H4C3: variants seen among roughly 807,000 people sequenced by gnomAD.
H4C3 encodes the protein histone H4.
H4C3 carries 10 observed loss-of-function variants against 5.3 expected under a neutral mutation model. The ratio of observed to expected loss-of-function variants is 1.87; its 90% CI spans 1.16 to 3.18. The LOEUF is 3.18. Among genes scored for constraint, H4C3 ranks in the 30% most tolerant of loss-of-function variants. The pLI, the probability that H4C3 is intolerant of heterozygous loss-of-function variation, is 0.00. For missense variants in H4C3, 191 were observed against 152.5 expected, an observed-to-expected ratio of 1.25 and a Z score of -1.33; for synonymous variants, 133 against 56.8, an observed-to-expected ratio of 2.34 and a Z score of -6.03.
chr6:26,104,289 T>C lies in H4C3; in HGVS notation c.*30T>C. The C allele has an allele frequency of 6.5e-7, 1 of 1,537,618 alleles. No homozygotes were observed. Among genetic ancestry groups the C allele is most frequent in the Non-Finnish European group, 8.8e-7 (1 of 1,142,408 alleles). ...AAGAATACGCGGTCTCCTGAGAACT[T>C]CAAAAAACAAAAACAAAAAAACCCA... is the stretch of plus-strand genomic sequence containing the variant. On this transcript the variant is annotated 3_prime_UTR_variant, in exon 1 of 1. Coordinates refer to ENST00000377803, the MANE Select transcript of H4C3 (RefSeq NM_003542.4).
rs58741377 is a variant in H4C3, at chr6:26,104,303, CAA to C, written c.*50_*51del. On this transcript the variant is annotated 3_prime_UTR_variant, in exon 1 of 1. Transcript: ENST00000377803. ...TCCTGAGAACTTCAAAAAACAAAAACAAAAAAACCCAAAGGCCCTTTTCAGGG... is the reference window on the plus strand; with the variant it reads ...TCCTGAGAACTTCAAAAAACAAAAACAAAAACCCAAAGGCCCTTTTCAGGG... 4.6e-6 allele frequency: 7 copies of C among 1,510,118 alleles called. No individual in the cohort carries two copies. The East Asian group carries it at 6.8e-5, about 15-fold the overall frequency. The allele number at this position is 1,510,118 out of a possible 1,614,324, so 93.5% of individuals were successfully genotyped here.
rs747940169 is a variant in H4C3 at position 26,103,947 on chromosome 6, C to T, written c.-1C>T. The T allele has an allele frequency of 1.2e-5, 20 of 1,602,406 alleles. No homozygotes were observed. Among genetic ancestry groups the T allele is most frequent in the African/African-American group, 1.2e-4 (9 of 74,444 alleles). On this transcript the variant is annotated 5_prime_UTR_variant, in exon 1 of 1. Coordinates refer to ENST00000377803, the MANE Select transcript of H4C3 (RefSeq NM_003542.4). ...TCATACCTTCCACTGCGATAGGAATCATGTCTGGTCGCGGCAAAGGCGGAA... is the reference window on the plus strand; with the variant it reads ...TCATACCTTCCACTGCGATAGGAATTATGTCTGGTCGCGGCAAAGGCGGAA...
In H4C3 at chr6:26,103,976, G is replaced by A; in HGVS notation, c.29G>A (p.Gly10Asp). ...TCTGGTCGCGGCAAAGGCGGAAAAG[G>A]CTTGGGGAAGGGTGGTGCTAAGCGC... MSGRGKGGK[G>D]LGKGGAKRHR... The change falls in exon 1 of 1, where the codon GGC becomes GAC. Residue 10 changes from glycine to aspartate, a missense_variant. Transcript: ENST00000377803. 1.9e-6 allele frequency: 3 copies of A among 1,611,830 alleles called. No individual in the cohort carries two copies. The highest frequency in any genetic ancestry group is 2.5e-6 in the Non-Finnish European group (3 of 1,178,084).
At position 26,104,152 on chromosome 6, in the gene H4C3, G is replaced by T; in HGVS notation, c.205G>T (p.Asp69Tyr). Residue 69 changes from aspartate to tyrosine, a missense_variant, in exon 1 of 1, where the codon GAC becomes TAC. Transcript: ENST00000377803. ...GGTTTTCTTAGAGAACGTTATTCGAGACGCCGTCACCTATACGGAGCACGC... is the reference window on the plus strand; with the variant it reads ...GGTTTTCTTAGAGAACGTTATTCGATACGCCGTCACCTATACGGAGCACGC... ...LKVFLENVIR[D>Y]AVTYTEHAKR... 6.2e-7 allele frequency: 1 copy of T among 1,614,154 alleles called. No individual in the cohort carries two copies. Among genetic ancestry groups the T allele is most frequent in the Non-Finnish European group, 8.5e-7 (1 of 1,180,032 alleles).
rs774741400 is a variant in H4C3 at position 26,104,022 on chromosome 6, T to C, written c.75T>C (p.Asp25=). Residue 25 remains aspartate (D), a synonymous_variant, in exon 1 of 1, where the codon GAT becomes GAC. Coordinates refer to ENST00000377803, the MANE Select transcript of H4C3 (RefSeq NM_003542.4). ...AGCGCCATCGTAAGGTGCTCCGGGA[T>C]AACATCCAGGGCATTACAAAACCGG... The part of the protein sequence containing the change: ...GAKRHRKVLR[D]NIQGITKPAI... The C allele has an allele frequency of 2.5e-6, 4 of 1,614,036 alleles. No individual in the cohort carries two copies. The highest frequency in any genetic ancestry group is 1.7e-6 in the Non-Finnish European group (2 of 1,180,032).
At position 26,104,053 on chromosome 6, in the gene H4C3, C is replaced by G. The variant is rs1365920100; in HGVS notation, c.106C>G (p.Arg36Gly). ...NIQGITKPAI[R>G]RLARRGGVKR... ...CCAGGGCATTACAAAACCGGCTATT[C>G]GCCGTTTGGCTCGGCGCGGTGGCGT... Residue 36 changes from arginine (R) to glycine (G), a missense_variant, in exon 1 of 1, where the codon CGC becomes GGC. By Grantham distance (125) the Arg-to-Gly change is moderately radical (BLOSUM62 -2). Transcript: ENST00000377803. 1 of 1,614,018 alleles carries G rather than the reference C, an allele frequency of 6.2e-7. No homozygotes were observed. The highest frequency in any genetic ancestry group is 8.5e-7 in the Non-Finnish European group (1 of 1,180,028).
At position 26,104,210 on chromosome 6, in the gene H4C3, T is replaced by C. The variant is rs776865242; in HGVS notation, c.263T>C (p.Val88Ala). 2 of 1,613,036 alleles carry C rather than the reference T, an allele frequency of 1.2e-6. No individual in the cohort carries two copies. Among genetic ancestry groups the C allele is most frequent in the South Asian group, 2.2e-5 (2 of 91,066 alleles). The change falls in exon 1 of 1, where the codon GTA (valine) becomes GCA (alanine). Residue 88 changes from valine to alanine, a missense_variant. Val to Ala is a moderately conservative substitution (Grantham distance 64). Transcript: ENST00000377803. ...KRKTVTAMDVVYALKRQGRTL... is the reference protein window; with the variant it reads ...KRKTVTAMDVAYALKRQGRTL... The stretch of plus-strand genomic sequence containing the variant: ...AAAACTGTCACAGCCATGGATGTAG[T>C]ATATGCCCTAAAACGTCAGGGGCGC...
Position 26,104,031 on chromosome 6 carries a change from G to A in H4C3, c.84G>A (p.Gln28=), listed in dbSNP as rs974277706. 1.2e-6 allele frequency: 2 copies of A among 1,614,196 alleles called. No individual in the cohort carries two copies. The highest frequency in any genetic ancestry group is 1.7e-6 in the Non-Finnish European group (2 of 1,180,030). Residue 28 remains glutamine, a synonymous_variant, in exon 1 of 1, where the codon CAG becomes CAA. Transcript: ENST00000377803. Reference sequence around the variant, plus strand: ...GTAAGGTGCTCCGGGATAACATCCAGGGCATTACAAAACCGGCTATTCGCC... The same window carrying A: ...GTAAGGTGCTCCGGGATAACATCCAAGGCATTACAAAACCGGCTATTCGCC... ...RHRKVLRDNI[Q]GITKPAIRRL...
chr6:26,104,121 G>A lies in H4C3; in HGVS notation c.174G>A (p.Val58=). The change falls in exon 1 of 1, where the codon GTG becomes GTA. Residue 58 remains valine, a synonymous_variant. Coordinates refer to ENST00000377803, the MANE Select transcript of H4C3 (RefSeq NM_003542.4). ...SGLIYEETRG[V]LKVFLENVIR... Reference sequence around the variant, plus strand: ...TTATCTATGAGGAGACTCGAGGTGTGCTTAAGGTTTTCTTAGAGAACGTTA... The same window carrying A: ...TTATCTATGAGGAGACTCGAGGTGTACTTAAGGTTTTCTTAGAGAACGTTA... 1 of 1,614,152 alleles carries A rather than the reference G, an allele frequency of 6.2e-7. No homozygotes were observed. The highest frequency in any genetic ancestry group is 8.5e-7 in the Non-Finnish European group (1 of 1,180,030).
chr6:26,103,956 T>TCGCGG lies in H4C3; in HGVS notation c.11_15dup (p.Lys6AlafsTer60), dbSNP rs1561948916. 1 of 1,605,898 alleles carries TCGCGG rather than the reference T, an allele frequency of 6.2e-7. No homozygotes were observed. Among genetic ancestry groups the TCGCGG allele is most frequent in the African/African-American group, 1.3e-5 (1 of 74,698 alleles). On this transcript the variant is annotated frameshift_variant, in exon 1 of 1. Transcript: ENST00000377803. LOFTEE classifies it high-confidence loss of function. ...CCACTGCGATAGGAATCATGTCTGG[T>TCGCGG]CGCGGCAAAGGCGGAAAAGGCTTGG...
Position 26,104,152 on chromosome 6 carries a change from G to A in H4C3, c.205G>A (p.Asp69Asn). 6.2e-7 allele frequency: 1 copy of A among 1,614,154 alleles called. No homozygotes were observed. Among genetic ancestry groups the A allele is most frequent in the South Asian group, 1.1e-5 (1 of 91,084 alleles). ...GGTTTTCTTAGAGAACGTTATTCGA[G>A]ACGCCGTCACCTATACGGAGCACGC... ...LKVFLENVIRDAVTYTEHAKR... is the reference protein window; with the variant it reads ...LKVFLENVIRNAVTYTEHAKR... Residue 69 changes from aspartate to asparagine, a missense_variant, in exon 1 of 1, where the codon GAC becomes AAC. Asp to Asn is a conservative substitution (Grantham distance 23, BLOSUM62 1). Transcript: ENST00000377803.
In H4C3 at chr6:26,104,299, A is replaced by T. The variant is rs769579370; in HGVS notation, c.*40A>T. 3 of 1,524,998 alleles carry T rather than the reference A, an allele frequency of 2.0e-6. No homozygotes were observed. The highest frequency in any genetic ancestry group is 2.6e-5 in the South Asian group (2 of 77,556). The allele number at this position is 1,524,998 out of a possible 1,614,324, so 94.5% of individuals were successfully genotyped here. On this transcript the variant is annotated 3_prime_UTR_variant, in exon 1 of 1. Coordinates refer to ENST00000377803, the MANE Select transcript of H4C3 (RefSeq NM_003542.4). ...GGTCTCCTGAGAACTTCAAAAAACA[A>T]AAACAAAAAAACCCAAAGGCCCTTT... is the stretch of plus-strand genomic sequence containing the variant.
chr6:26,103,981 G>T lies in H4C3; in HGVS notation c.34G>T (p.Gly12Trp), dbSNP rs754919310. The change falls in exon 1 of 1, where the codon GGG (glycine) becomes TGG (tryptophan). Residue 12 changes from glycine to tryptophan, a missense_variant. Transcript: ENST00000377803. ...TCGCGGCAAAGGCGGAAAAGGCTTG[G>T]GGAAGGGTGGTGCTAAGCGCCATCG... ...SGRGKGGKGL[G>W]KGGAKRHRKV... 20 of 1,612,460 alleles carry T rather than the reference G, an allele frequency of 1.2e-5. No individual in the cohort carries two copies. The highest frequency in any genetic ancestry group is 1.7e-5 in the Non-Finnish European group (20 of 1,178,736).
rs1049044223 is a variant in H4C3, at chr6:26,104,334, C to T, written c.*75C>T. 2 of 1,341,366 alleles carry T rather than the reference C, an allele frequency of 1.5e-6. No individual in the cohort carries two copies. The highest frequency in any genetic ancestry group is 1.0e-6 in the Non-Finnish European group (1 of 989,986). 83.1% of individuals were successfully genotyped at this position (1,341,366 alleles called of 1,614,324 possible). On this transcript the variant is annotated 3_prime_UTR_variant, in exon 1 of 1. Transcript: ENST00000377803. ...AACCCAAAGGCCCTTTTCAGGGCCG[C>T]TCACAAAGTCGTTTAAAGAGCTGAA...
chr6:26,104,281 T>C lies in H4C3; in HGVS notation c.*22T>C. 1 of 1,549,380 alleles carries C rather than the reference T, an allele frequency of 6.5e-7. No homozygotes were observed. The highest frequency in any genetic ancestry group is 8.7e-7 in the Non-Finnish European group (1 of 1,148,492). ...CTGAATCTAAGAATACGCGGTCTCC[T>C]GAGAACTTCAAAAAACAAAAACAAA... On this transcript the variant is annotated 3_prime_UTR_variant, in exon 1 of 1. Coordinates refer to ENST00000377803, the MANE Select transcript of H4C3 (RefSeq NM_003542.4).
At position 26,103,937 on chromosome 6, in the gene H4C3, C is replaced by G. The variant is rs200804123; in HGVS notation, c.-11C>G. 1 of 1,594,376 alleles carries G rather than the reference C, an allele frequency of 6.3e-7. No homozygotes were observed. Among genetic ancestry groups the G allele is most frequent in the Non-Finnish European group, 8.6e-7 (1 of 1,166,512 alleles). On this transcript the variant is annotated 5_prime_UTR_variant, in exon 1 of 1. Transcript: ENST00000377803. Reference sequence around the variant, plus strand: ...CTGTTTCAGTTCATACCTTCCACTGCGATAGGAATCATGTCTGGTCGCGGC... The same window carrying G: ...CTGTTTCAGTTCATACCTTCCACTGGGATAGGAATCATGTCTGGTCGCGGC...
Position 26,104,129 on chromosome 6 carries a change from T to C in H4C3, c.182T>C (p.Val61Ala). 6.2e-7 allele frequency: 1 copy of C among 1,614,122 alleles called. No homozygotes were observed. The highest frequency in any genetic ancestry group is 8.5e-7 in the Non-Finnish European group (1 of 1,180,022). The change falls in exon 1 of 1, where the codon GTT (valine) becomes GCT (alanine). Residue 61 changes from valine to alanine, a missense_variant. Physicochemically the swap from Val to Ala is moderately conservative, Grantham distance 64. Transcript: ENST00000377803. ...IYEETRGVLK[V>A]FLENVIRDAV... is the part of the protein sequence containing the mutation. ...GAGGAGACTCGAGGTGTGCTTAAGG[T>C]TTTCTTAGAGAACGTTATTCGAGAC... is the stretch of plus-strand genomic sequence containing the variant.
Position 26,104,321 on chromosome 6 carries a change from C to T in H4C3, c.*62C>T, listed in dbSNP as rs900101845. On this transcript the variant is annotated 3_prime_UTR_variant, in exon 1 of 1. Coordinates refer to ENST00000377803, the MANE Select transcript of H4C3 (RefSeq NM_003542.4). ...ACAAAAACAAAAAAACCCAAAGGCC[C>T]TTTTCAGGGCCGCTCACAAAGTCGT... 5 of 1,421,206 alleles carry T rather than the reference C, an allele frequency of 3.5e-6. No homozygotes were observed. The highest frequency in any genetic ancestry group is 2.3e-5 in the East Asian group (1 of 43,106). 88.0% of individuals were successfully genotyped at this position (1,421,206 alleles called of 1,614,324 possible). A position where few individuals can be genotyped will look rare whatever the true frequency, so the allele number is the denominator to read the frequency against.
chr6:26,103,943 G>C lies in H4C3; in HGVS notation c.-5G>C, dbSNP rs200049708. ...CAGTTCATACCTTCCACTGCGATAG[G>C]AATCATGTCTGGTCGCGGCAAAGGC... On this transcript the variant is annotated 5_prime_UTR_variant, in exon 1 of 1. Coordinates refer to ENST00000377803, the MANE Select transcript of H4C3 (RefSeq NM_003542.4). 140 of 1,600,458 alleles carry C rather than the reference G, an allele frequency of 8.7e-5. No homozygotes were observed. Among genetic ancestry groups the C allele is most frequent in the Non-Finnish European group, 1.1e-4 (127 of 1,170,120 alleles).
Sources: gnomAD v4.1 joint callset for allele counts on GRCh38, gnomAD v4.1.1 for gene constraint, MANE v1.5 for transcripts, NCBI Gene and HGNC (gene_info 2026-07-23, HGNC 2026-07-21) for gene names.